Variants in CHRDL1 observed in about 807,000 individuals in gnomAD.
CHRDL1 encodes the protein chordin-like protein 1.
Under a neutral mutation model 40.9 loss-of-function variants are expected in CHRDL1, and 19 were observed. The observed-to-expected ratio is 0.46, with a 90% CI of 0.32 to 0.68. CHRDL1 has a LOEUF of 0.68. Ranked by LOEUF, CHRDL1 falls within the 30% of genes least tolerant of loss-of-function variation. CHRDL1 has a pLI of 0.03. For missense variants in CHRDL1, 329 were observed against 352.1 expected, an observed-to-expected ratio of 0.93 and a Z score of 0.53; for synonymous variants, 136 against 123.4, an observed-to-expected ratio of 1.10 and a Z score of -0.68.
intron 4 of CHRDL1, among the ~76,000 whole-genome samples, chrX:110,746,716 C>G (rs972770300): frequency 1.8e-5 from 2 of 111,414 alleles, no homozygotes; most frequent in Non-Finnish European, 3.8e-5. Context: ...TCATTGGGAT[C>G]TAGAGGAACA....
chrX:110,751,455 G>A (rs951875796), intron 4 of CHRDL1, among the ~76,000 whole-genome samples: 4 of 111,817 alleles, frequency 3.6e-5, no homozygotes, highest in African/African-American at 9.8e-5. Context: ...TACCTCTCTG[G>A]TAGATTCATA....
At chrX:110,716,953 C>A (rs2070853701) in intron 6 of CHRDL1, among the ~76,000 whole-genome samples, 1 of 111,756 alleles carries the variant, frequency 8.9e-6, no homozygotes, top group African/African-American at 3.3e-5. Flanking sequence ...GCCATATGGT[C>A]GGACTTAGAT....
intron 4 of CHRDL1, among the ~76,000 whole-genome samples, chrX:110,726,828 G>T (rs915966929): frequency 1.8e-5 from 2 of 112,087 alleles, no homozygotes; most frequent in Non-Finnish European, 1.9e-5. Context: ...GCACTGATGT[G>T]TATGGTAGGT....
intron 9 of CHRDL1, among the ~76,000 whole-genome samples, chrX:110,687,851 T>C (rs1323322035): frequency 1.8e-5 from 2 of 111,706 alleles, no homozygotes; most frequent in Non-Finnish European, 3.8e-5. Flanking sequence ...TTAGCTCATG[T>C]TTTAAAAACT....
At chrX:110,732,858 G>C (rs1480200727) in intron 4 of CHRDL1, among the ~76,000 whole-genome samples, 1 of 112,044 alleles carries the variant, frequency 8.9e-6, no homozygotes, top group East Asian at 2.8e-4. Context: ...CTATCACTTT[G>C]CATCTCTAGG....
chrX:110,733,076 G>A (rs2071196670), intron 4 of CHRDL1, among the ~76,000 whole-genome samples: 1 of 112,276 alleles, frequency 8.9e-6, no homozygotes, highest in South Asian at 3.7e-4. Flanking sequence ...TCTACCTGAA[G>A]GCAAAAAGAG....
At position 110,762,752 on chromosome X, in the gene CHRDL1, C is replaced by A; in HGVS notation, c.150G>T (p.Trp50Cys). The part of the protein sequence containing the change: ...QDKKYRVGER[W>C]HPYLEPYGLV... ...ACCCATAAGGTTCCAGGTAAGGATG[C>A]CATCTCTCACCCACTCTGTACTTCT... Residue 50 changes from tryptophan to cysteine, a missense_variant, in exon 3 of 12, where the codon TGG becomes TGT. Physicochemically the swap from Trp to Cys is radical, Grantham distance 215. Transcript: ENST00000372042. 8.4e-7 allele frequency: 1 copy of A among 1,190,144 alleles called. No homozygotes were observed. The highest frequency in any genetic ancestry group is 1.1e-6 in the Non-Finnish European group (1 of 877,908).
chrX:110,791,631 C>T (rs1011534797), intron 2 of CHRDL1, among the ~76,000 whole-genome samples: 1 of 112,261 alleles, frequency 8.9e-6, no homozygotes, highest in African/African-American at 3.2e-5. Context: ...AAGGTTTCGT[C>T]CTTCCTCGTT....
At chrX:110,738,204 T>C (rs962979337) in intron 4 of CHRDL1, among the ~76,000 whole-genome samples, 1 of 111,956 alleles carries the variant, frequency 8.9e-6, no homozygotes, top group African/African-American at 3.3e-5. Context: ...CTTGAAGAGG[T>C]GATGCACTCC....
At chrX:110,688,057 G>A (rs1170219978) in intron 9 of CHRDL1, among the ~76,000 whole-genome samples, 1 of 110,563 alleles carries the variant, frequency 9.0e-6, no homozygotes, top group African/African-American at 3.3e-5. Context: ...ATAATTATAG[G>A]ATTATAGTGT....
intron 10 of CHRDL1, among the ~76,000 whole-genome samples, chrX:110,680,581 A>G (rs1179389275): frequency 1.8e-5 from 2 of 112,004 alleles, no homozygotes; most frequent in African/African-American, 3.3e-5. Flanking sequence ...CTGAATTCCT[A>G]TCTCTGGGAT....
At chrX:110,686,423 T>C (rs10047014) in intron 9 of CHRDL1, among the ~76,000 whole-genome samples, 53,487 of 110,624 alleles carry the variant, frequency 0.48, 11,246 homozygotes, top group African/African-American at 0.79. Context: ...GGGTAATTTG[T>C]GTAAATATTA....
At chrX:110,718,647 G>A (rs1248167638) in intron 6 of CHRDL1, among the ~76,000 whole-genome samples, 4 of 112,046 alleles carry the variant, frequency 3.6e-5, no homozygotes, top group African/African-American at 1.3e-4. Flanking sequence ...CTTTGCATGG[G>A]TGACTTCTTT....
At chrX:110,746,269 G>A (rs1375367254) in intron 4 of CHRDL1, among the ~76,000 whole-genome samples, 2 of 110,896 alleles carry the variant, frequency 1.8e-5, no homozygotes, top group Non-Finnish European at 3.8e-5. Context: ...GCAAGACCAC[G>A]GATTAGCAGA....
chrX:110,680,410 G>C (rs2069870265), intron 10 of CHRDL1, among the ~76,000 whole-genome samples: 1 of 111,656 alleles, frequency 9.0e-6, no homozygotes, highest in Non-Finnish European at 1.9e-5. Flanking sequence ...TTTTTAGGGA[G>C]AAATGCATTC....
intron 2 of CHRDL1, among the ~76,000 whole-genome samples, chrX:110,774,733 T>C (rs2089820990): frequency 8.9e-6 from 1 of 111,903 alleles, no homozygotes; most frequent in African/African-American, 3.2e-5. Context: ...TACTAAAACA[T>C]ACTAAAACCA....
chrX:110,747,311 A>G (rs2089272411), intron 4 of CHRDL1, among the ~76,000 whole-genome samples: 1 of 109,697 alleles, frequency 9.1e-6, no homozygotes, highest in Non-Finnish European at 1.9e-5. Context: ...GCCCACTTAG[A>G]GGACAAGGAG....
chrX:110,705,400 C>G (rs1000008664), intron 6 of CHRDL1, among the ~76,000 whole-genome samples: 57 of 247 alleles, frequency 0.23, 2 homozygotes, highest in Non-Finnish European at 0.3. Flanking sequence ...TATATACCAT[C>G]TGATCTTTGA....
At chrX:110,779,542 C>T (rs1006097422) in intron 2 of CHRDL1, among the ~76,000 whole-genome samples, 1 of 111,847 alleles carries the variant, frequency 8.9e-6, no homozygotes, top group African/African-American at 3.2e-5. Flanking sequence ...CTCTCTATTA[C>T]ATTCCCTTGA....
Sources: gnomAD v4.1 joint callset for allele counts (sites outside exome capture counted in the v4.1 genomes callset) on GRCh38, gnomAD v4.1.1 for gene constraint, MANE v1.5 for transcripts, NCBI Gene and HGNC (gene_info 2026-07-23, HGNC 2026-07-21) for gene names.